CEP95: variants seen among roughly 807,000 people sequenced by gnomAD.
CEP95 encodes centrosomal protein 95.
Under a neutral mutation model 111.2 loss-of-function variants are expected in CEP95, and 98 were observed. The observed-to-expected ratio is 0.88, with a 90% CI of 0.75 to 1.04. CEP95 has a LOEUF of 1.04. CEP95 is among the 50% of genes least tolerant of loss of function. The pLI is 0.00. For missense variants in CEP95, 1,027 were observed against 977.2 expected, an observed-to-expected ratio of 1.05 and a Z score of -0.68; for synonymous variants, 323 against 327.1, an observed-to-expected ratio of 0.99 and a Z score of 0.14.
intron 19 of CEP95, chr17:64,537,390 G>C (rs1292710630): frequency 1.4e-6 from 2 of 1,379,394 alleles, no homozygotes; most frequent in African/African-American, 2.9e-5. Context: ...CCTGTAAAGG[G>C]AATGGAGAGA....
At chr17:64,534,532 TCTGCATTC>T in intron 16 of CEP95, 45 bp from the exon 17 acceptor site, 1 of 1,517,922 alleles carries the variant, frequency 6.6e-7, no homozygotes, top group Non-Finnish European at 9.1e-7. Flanking sequence ...AACGCTGGAA[TCTGCATTC>T]CTCTTGTCCT....
intron 3 of CEP95, among the ~76,000 whole-genome samples, chr17:64,512,217 G>A (rs2038933818): frequency 6.6e-6 from 1 of 152,208 alleles, no homozygotes; most frequent in Non-Finnish European, 1.5e-5. Flanking sequence ...AAGGTGTGCA[G>A]AAGTATTTGC....
At chr17:64,535,420 CTCCCCCTCCTCAGTGA>C (rs1968583215) in intron 17 of CEP95, 1 of 153,952 alleles carries the variant, frequency 6.5e-6, no homozygotes, top group South Asian at 2.0e-4. Flanking sequence ...CAAATGATCA[CTCCCCCTCCTCAGTGA>C]TGTACATGTG....
At chr17:64,522,626 G>T in intron 7 of CEP95, 76 bp from the exon 8 acceptor site, 1 of 879,156 alleles carries the variant, frequency 1.1e-6, no homozygotes, top group Non-Finnish European at 1.8e-6. Flanking sequence ...TGTTTATATA[G>T]GTATGTATGT....
chr17:64,521,108 G>A lies in CEP95; in HGVS notation c.590-294G>A, dbSNP rs550268495. Among the ~76,000 whole-genome samples the A allele has an allele frequency of 7.2e-5, 11 of 152,224 alleles. No homozygotes were observed. The East Asian group carries it at 1.9e-3, about 27-fold the overall frequency. On this transcript the variant is annotated intron_variant, in intron 6 of 19. Coordinates refer to ENST00000556440, the MANE Select transcript of CEP95 (RefSeq NM_138363.3). ...AAAAATTAGCCAGGCATGGTGGCGG[G>A]TGCCTGTAGTCCCAGCTACTCTGGA... is the stretch of plus-strand genomic sequence containing the variant.
In CEP95 at chr17:64,531,001, GAGA is replaced by G. The variant is rs1314603874; in HGVS notation, c.1525_1527del (p.Lys509del). 1.9e-6 allele frequency: 3 copies of G among 1,546,874 alleles called. No individual in the cohort carries two copies. The highest frequency in any genetic ancestry group is 2.7e-5 in the African/African-American group (2 of 73,242). ...GAATATTGGACCTCTAAGAATACATGAGAAGGAGGAGGAAACAGTGGGTAAAAG... is the reference window on the plus strand; with the variant it reads ...GAATATTGGACCTCTAAGAATACATGAGGAGGAGGAAACAGTGGGTAAAAG... On this transcript the variant is annotated inframe_deletion, in exon 13 of 20. Transcript: ENST00000556440.
At position 64,537,593 on chromosome 17, in the gene CEP95, C is replaced by A. The variant is rs782778307; in HGVS notation, c.2290-10C>A. On this transcript the variant is annotated splice_polypyrimidine_tract_variant and intron_variant, in intron 19 of 19. Transcript: ENST00000556440. ...TGTGAACAGCGGGATGACATGCCTT[C>A]TTTTTTCAGACATTACATAAGGTGA... 1 of 1,580,010 alleles carries A rather than the reference C, an allele frequency of 6.3e-7. No homozygotes were observed. The highest frequency in any genetic ancestry group is 8.6e-7 in the Non-Finnish European group (1 of 1,158,336).
intron 3 of CEP95, among the ~76,000 whole-genome samples, chr17:64,511,885 GGCTTCAGCC>G (rs2038917639): frequency 6.6e-6 from 1 of 152,220 alleles, no homozygotes; most frequent in Non-Finnish European, 1.5e-5. Flanking sequence ...CTTCTGCCAT[GGCTTCAGCC>G]GGTCCCTCTG....
rs782225177 is a variant in CEP95 at position 64,522,891 on chromosome 17, C to T, written c.905C>T (p.Ser302Phe). The T allele has an allele frequency of 5.0e-6, 8 of 1,605,398 alleles. No homozygotes were observed. In the African/African-American group the frequency reaches 8.0e-5, roughly 16 times the overall value. Residue 302 changes from serine to phenylalanine, a missense_variant, in exon 8 of 20, where the codon TCT becomes TTT. By Grantham distance (155) the Ser-to-Phe change is radical. Coordinates refer to ENST00000556440, the MANE Select transcript of CEP95 (RefSeq NM_138363.3). The part of the protein sequence containing the change: ...VNSTGEHTEF[S>F]GDLDDGLFLI... ...TCTACTGGAGAGCATACGGAATTTTCTGGGGTAAGTGGAAAAGCTTACTTT... is the reference window on the plus strand; with the variant it reads ...TCTACTGGAGAGCATACGGAATTTTTTGGGGTAAGTGGAAAAGCTTACTTT...
chr17:64,514,122 G>C (rs1307097815), intron 3 of CEP95, 126 bp from the exon 4 acceptor site: 2 of 470,782 alleles, frequency 4.2e-6, no homozygotes, highest in African/African-American at 3.9e-5. Flanking sequence ...CCAAGGAGCT[G>C]TAAGTTGGTA....
chr17:64,506,794 G>A (rs891006316), upstream of CEP95: 18 of 545,968 alleles, frequency 3.3e-5, no homozygotes, highest in East Asian at 5.7e-4. Flanking sequence ...CGCCCGGGCT[G>A]CCGGCTGATG....
At chr17:64,509,011 A>C (rs2038748096) in intron 2 of CEP95, among the ~76,000 whole-genome samples, 2 of 152,158 alleles carry the variant, frequency 1.3e-5, no homozygotes, top group Admixed American at 1.3e-4. Context: ...AGGGCTCCTG[A>C]TAATCACGGC....
intron 16 of CEP95, chr17:64,534,091 C>A: frequency 6.3e-6 from 1 of 158,384 alleles, no homozygotes; most frequent in South Asian, 1.9e-4. Flanking sequence ...TCAGGAACTG[C>A]AGATGGTACT....
chr17:64,517,806 T>G (rs1966991299), intron 5 of CEP95, among the ~76,000 whole-genome samples: 1 of 151,856 alleles, frequency 6.6e-6, no homozygotes, highest in East Asian at 1.9e-4. Flanking sequence ...AGTGCTGGGA[T>G]TATAGGCATG....
chr17:64,508,112 T>C (rs2038671048), intron 1 of CEP95: 2 of 985,348 alleles, frequency 2.0e-6, no homozygotes, highest in Non-Finnish European at 2.4e-6. Context: ...CACCACTTTT[T>C]CCGGCACCAG....
Position 64,510,180 on chromosome 17 carries a change from A to G in CEP95, c.156A>G (p.Ile52Met). 6.3e-7 allele frequency: 1 copy of G among 1,596,838 alleles called. No homozygotes were observed. Among genetic ancestry groups the G allele is most frequent in the Non-Finnish European group, 8.6e-7 (1 of 1,167,900 alleles). Residue 52 changes from isoleucine to methionine, a missense_variant, in exon 3 of 20, where the codon ATA (isoleucine) becomes ATG (methionine). Transcript: ENST00000556440. ...GATTTTTTCCCCCCCCAGACCTCATAGTTATTCCTAGGAGTCAAGAAGATG... is the reference window on the plus strand; with the variant it reads ...GATTTTTTCCCCCCCCAGACCTCATGGTTATTCCTAGGAGTCAAGAAGATG... ...SILGEKVPDL[I>M]VIPRSQEDDA...
At chr17:64,522,947 T>G in intron 8 of CEP95, 52 bp downstream of exon 8, 1 of 1,379,302 alleles carries the variant, frequency 7.3e-7, no homozygotes, top group Non-Finnish European at 1.0e-6. Flanking sequence ...TGTATGTATG[T>G]CTGTGTGTGT....
At chr17:64,506,974 C>G (rs1480851328), upstream of CEP95, 1 of 1,090,938 alleles carries the variant, frequency 9.2e-7, no homozygotes, top group Non-Finnish European at 1.4e-6. Flanking sequence ...TCTTTCACGC[C>G]TCCTTCCCCG....
intron 15 of CEP95, 27 bp downstream of exon 15, chr17:64,533,035 G>C (rs570471046): frequency 6.2e-7 from 1 of 1,605,938 alleles, no homozygotes; most frequent in East Asian, 2.2e-5. Flanking sequence ...CTTAAGCATA[G>C]GAATTTAAAT....
Sources: gnomAD v4.1 joint callset for allele counts (sites outside exome capture counted in the v4.1 genomes callset) on GRCh38, gnomAD v4.1.1 for gene constraint, MANE v1.5 for transcripts, NCBI Gene and HGNC (gene_info 2026-07-23, HGNC 2026-07-21) for gene names.